Variants in PRKAR1B observed in about 807,000 individuals in gnomAD.
PRKAR1B encodes the protein cAMP-dependent protein kinase type I-beta regulatory subunit.
A neutral mutation model predicts 46.5 loss-of-function variants in PRKAR1B; 22 were observed. The observed-to-expected ratio is 0.47, with a 90% CI of 0.34 to 0.68. PRKAR1B has a LOEUF of 0.68. PRKAR1B is among the 30% of genes least tolerant of loss of function. PRKAR1B has a pLI of 0.01. For missense variants in PRKAR1B, 445 were observed against 535.6 expected (o/e 0.83, Z 1.67); for synonymous variants, 259 against 217.7 (o/e 1.19, Z -1.67).
At chr7:681,464 T>A (rs1223732954) in intron 2 of PRKAR1B, among the ~76,000 whole-genome samples, 5 of 152,188 alleles carry the variant, frequency 3.3e-5, no homozygotes, top group East Asian at 1.9e-4. Flanking sequence ...AGGTAATTTT[T>A]ATAACTGCCT....
chr7:556,829 T>G (rs551019161), intron 9 of PRKAR1B, among the ~76,000 whole-genome samples: 2 of 152,320 alleles, frequency 1.3e-5, no homozygotes, highest in South Asian at 2.1e-4. Flanking sequence ...GTTTCTGGAA[T>G]GGAGAGGGGG....
intron 2 of PRKAR1B, among the ~76,000 whole-genome samples, chr7:685,846 T>C (rs74564407): frequency 0.029 from 4,463 of 152,238 alleles, 92 homozygotes; most frequent in Non-Finnish European, 0.043. Context: ...CTTTCAGAAT[T>C]TACTTACAAA....
At chr7:563,355 C>G (rs148937414) in intron 9 of PRKAR1B, among the ~76,000 whole-genome samples, 11,561 of 152,360 alleles carry the variant, frequency 0.076, 544 homozygotes, top group Non-Finnish European at 0.1. Flanking sequence ...TCTGCAGACA[C>G]CATTCCTTAG....
chr7:616,062 G>A (rs953720076), intron 4 of PRKAR1B, among the ~76,000 whole-genome samples: 2 of 152,112 alleles, frequency 1.3e-5, no homozygotes, highest in African/African-American at 4.8e-5. Context: ...CCAGGCAGGG[G>A]CTGTGCTCTC....
intron 9 of PRKAR1B, among the ~76,000 whole-genome samples, chr7:571,693 A>T (rs970699565): frequency 6.6e-6 from 1 of 151,932 alleles, no homozygotes; most frequent in Non-Finnish European, 1.5e-5. Flanking sequence ...GGCTGTGGGG[A>T]GGTCTCCGGG....
intron 4 of PRKAR1B, among the ~76,000 whole-genome samples, chr7:653,730 T>A (rs1281992934): frequency 1.3e-5 from 2 of 152,148 alleles, no homozygotes; most frequent in African/African-American, 4.8e-5. Context: ...AACTCCAACA[T>A]CCATTGCAGA....
At chr7:641,584 C>G (rs1314141590) in intron 4 of PRKAR1B, among the ~76,000 whole-genome samples, 1 of 152,148 alleles carries the variant, frequency 6.6e-6, no homozygotes, top group Non-Finnish European at 1.5e-5. Flanking sequence ...CTGACAACAA[C>G]CCACAGGTCC....
intron 2 of PRKAR1B, among the ~76,000 whole-genome samples, chr7:697,989 GGGAGT>G (rs1373789127): frequency 3.1e-4 from 24 of 77,474 alleles, no homozygotes; most frequent in African/African-American, 1.1e-3. Context: ...GGGAGCGGAG[GGGAGT>G]GGAGGGGAGG....
chr7:629,331 C>T (rs1347318922), intron 4 of PRKAR1B, among the ~76,000 whole-genome samples: 8 of 149,828 alleles, frequency 5.3e-5, no homozygotes, highest in Non-Finnish European at 7.4e-5. Flanking sequence ...AGCGGGGCCA[C>T]GGCCTCCGAA....
chr7:721,406 G>T (rs1039483782), intron 1 of PRKAR1B, among the ~76,000 whole-genome samples: 2 of 152,116 alleles, frequency 1.3e-5, no homozygotes, highest in African/African-American at 4.8e-5. Context: ...CAGCACTTTG[G>T]GGGGCATTGA....
chr7:570,337 G>A (rs1583220198), intron 9 of PRKAR1B, among the ~76,000 whole-genome samples: 1 of 152,220 alleles, frequency 6.6e-6, no homozygotes, highest in Non-Finnish European at 1.5e-5. Context: ...CAGGCAGAAT[G>A]TTATAAAGCG....
intron 8 of PRKAR1B, among the ~76,000 whole-genome samples, chr7:583,831 C>A (rs576491818): frequency 2.0e-5 from 3 of 152,172 alleles, no homozygotes; most frequent in Admixed American, 6.5e-5. Context: ...CGCACACACA[C>A]CCCCATGTGC....
chr7:656,121 C>A (rs1785171563), intron 4 of PRKAR1B, among the ~76,000 whole-genome samples: 1 of 152,174 alleles, frequency 6.6e-6, no homozygotes. Context: ...AGAGGAGATC[C>A]AACCAGGATT....
chr7:578,334 G>A (rs1046898785), intron 9 of PRKAR1B, among the ~76,000 whole-genome samples: 27 of 152,314 alleles, frequency 1.8e-4, no homozygotes, highest in Admixed American at 3.3e-4. Context: ...AGCACATCCC[G>A]GGAGCTCCAC....
intron 7 of PRKAR1B, among the ~76,000 whole-genome samples, chr7:587,800 A>C (rs1219078824): frequency 6.6e-6 from 1 of 152,172 alleles, no homozygotes; most frequent in Non-Finnish European, 1.5e-5. Flanking sequence ...CAGAGGATGA[A>C]GGAAGGGAGA....
At chr7:725,601 C>T (rs952637179) in intron 1 of PRKAR1B, among the ~76,000 whole-genome samples, 2 of 152,248 alleles carry the variant, frequency 1.3e-5, no homozygotes, top group African/African-American at 4.8e-5. Flanking sequence ...TATAGTTTAA[C>T]TTTGAAACAA....
intron 4 of PRKAR1B, among the ~76,000 whole-genome samples, chr7:657,300 G>GATGA (rs1554299027): frequency 0.025 from 3,217 of 130,234 alleles, 128 homozygotes; most frequent in African/African-American, 0.039. Context: ...TGGATGGATG[G>GATGA]ATGAATGAAT....
At chr7:719,511 T>C (rs1780999873) in intron 1 of PRKAR1B, among the ~76,000 whole-genome samples, 1 of 152,152 alleles carries the variant, frequency 6.6e-6, no homozygotes, top group African/African-American at 2.4e-5. Context: ...CGACGAGGTG[T>C]CACTATTTGG....
At chr7:727,145 G>T (rs1402920397) in intron 1 of PRKAR1B, 65 bp downstream of exon 1, 10 of 1,253,020 alleles carry the variant, frequency 8.0e-6, no homozygotes, top group East Asian at 3.7e-5. Context: ...GAGGAGCTGC[G>T]CCTGGCGCTT....
Sources: allele counts gnomAD v4.1 joint callset (sites outside exome capture counted in the v4.1 genomes callset), GRCh38; gene constraint gnomAD v4.1.1; transcripts MANE v1.5; gene names NCBI Gene and HGNC (gene_info 2026-07-23, HGNC 2026-07-21).